The following KCNB2 variants were observed in gnomAD, a reference collection of about 807,000 sequenced individuals.
KCNB2 encodes delayed rectifier potassium channel protein.
A neutral mutation model predicts 61.5 loss-of-function variants in KCNB2; 15 were observed. The observed-to-expected ratio is 0.24, with a 90% CI of 0.16 to 0.38. The LOEUF (loss-of-function observed/expected upper bound fraction) is 0.38, where lower values mean the gene tolerates loss of function less well. KCNB2 is among the 10% of genes least tolerant of loss of function. KCNB2 has a pLI of 1.00. For missense variants in KCNB2, 828 were observed against 1,125.2 expected (o/e 0.74, Z 3.78); for synonymous variants, 457 against 446.0 (o/e 1.02, Z -0.31).
intron 2 of KCNB2, among the ~76,000 whole-genome samples, chr8:72,585,340 C>G (rs962446501): frequency 6.6e-6 from 1 of 152,130 alleles, no homozygotes; most frequent in African/African-American, 2.4e-5. Context: ...AACTCCCATG[C>G]ATTTATTTGT....
chr8:72,719,189 A>C (rs1238858657), intron 2 of KCNB2, among the ~76,000 whole-genome samples: 1 of 151,906 alleles, frequency 6.6e-6, no homozygotes, highest in Non-Finnish European at 1.5e-5. Flanking sequence ...CTCTCTAATC[A>C]CTGTTTTAAA....
chr8:72,678,371 G>T (rs527740519), intron 2 of KCNB2, among the ~76,000 whole-genome samples: 1 of 152,168 alleles, frequency 6.6e-6, no homozygotes, highest in South Asian at 2.1e-4. Context: ...TCTTTATCAG[G>T]TCCTCATAGA....
rs779478658 is a variant in KCNB2 at position 72,937,994 on chromosome 8, A to T, written c.2639A>T (p.Gln880Leu). The T allele has an allele frequency of 1.2e-6, 2 of 1,614,170 alleles. No individual in the cohort carries two copies. The highest frequency in any genetic ancestry group is 3.3e-5 in the Admixed American group (2 of 60,030). Residue 880 changes from glutamine to leucine, a missense_variant, in exon 3 of 3, where the codon CAA becomes CTA. Physicochemically the swap from Gln to Leu is moderately radical, Grantham distance 113. This residue lies in a region of KCNB2 where 559 missense variants were observed against 588.4 expected (regional missense o/e 0.95). Transcript: ENST00000523207. ...AGTGAAGTCAAAAAGGACAGTAGTC[A>T]AGAAGGGTGCAAGATGGAAAATCAC... is the stretch of plus-strand genomic sequence containing the variant. ...AVSEVKKDSS[Q>L]EGCKMENHLF...
intron 2 of KCNB2, among the ~76,000 whole-genome samples, chr8:72,711,226 C>T (rs772014543): frequency 6.6e-6 from 1 of 152,234 alleles, no homozygotes; most frequent in Non-Finnish European, 1.5e-5. Context: ...CACAAAACTA[C>T]TTGGCCAGAG....
intron 2 of KCNB2, among the ~76,000 whole-genome samples, chr8:72,719,617 C>T (rs914074070): frequency 6.6e-6 from 1 of 152,024 alleles, no homozygotes; most frequent in Admixed American, 6.6e-5. Context: ...AAATGTCCTC[C>T]TATTGGTTTC....
intron 2 of KCNB2, among the ~76,000 whole-genome samples, chr8:72,825,557 G>A (rs1809584003): frequency 6.6e-6 from 1 of 152,118 alleles, no homozygotes; most frequent in Non-Finnish European, 1.5e-5. Flanking sequence ...CCTGATGCTT[G>A]TTATTTTCTG....
chr8:72,851,826 GA>G (rs55696554), intron 2 of KCNB2, among the ~76,000 whole-genome samples: 6,842 of 43,646 alleles, frequency 0.16, 615 homozygotes, highest in East Asian at 0.58. Context: ...GAAGCTGTAG[GA>G]AAAAAAAAAA....
chr8:72,840,254 G>A (rs1268012454), intron 2 of KCNB2, among the ~76,000 whole-genome samples: 4 of 152,054 alleles, frequency 2.6e-5, no homozygotes, highest in African/African-American at 4.8e-5. Flanking sequence ...CCTTTTTTGT[G>A]GTTGCATAGT....
chr8:72,664,916 A>T (rs555852568), intron 2 of KCNB2, among the ~76,000 whole-genome samples: 1 of 152,210 alleles, frequency 6.6e-6, no homozygotes, highest in Non-Finnish European at 1.5e-5. Context: ...AACAGCAAAG[A>T]CAAAAGCCCG....
chr8:72,906,866 A>G (rs541256527), intron 2 of KCNB2, among the ~76,000 whole-genome samples: 7 of 152,300 alleles, frequency 4.6e-5, no homozygotes, highest in African/African-American at 1.7e-4. Flanking sequence ...ATCTCCTCAT[A>G]TTCTAACCTT....
At chr8:72,668,533 A>G (rs1011787219) in intron 2 of KCNB2, among the ~76,000 whole-genome samples, 2 of 151,876 alleles carry the variant, frequency 1.3e-5, no homozygotes, top group African/African-American at 4.8e-5. Flanking sequence ...TTTACTGCAC[A>G]CTCACCAGCC....
chr8:72,902,932 G>T (rs1806112932), intron 2 of KCNB2, among the ~76,000 whole-genome samples: 1 of 152,128 alleles, frequency 6.6e-6, no homozygotes, highest in Non-Finnish European at 1.5e-5. Flanking sequence ...TCCCAGATTT[G>T]CTACTCACTA....
Position 72,685,321 on chromosome 8 carries a change from A to C in KCNB2, c.579+117008A>C, listed in dbSNP as rs80022815. ...GTTTTTTTTCTTCCAGTTCTGAAAA[A>C]TATATATATAAAACATAAGTTCATA... On this transcript the variant is annotated intron_variant, in intron 2 of 2. Coordinates refer to ENST00000523207, the MANE Select transcript of KCNB2 (RefSeq NM_004770.3). Among the ~76,000 whole-genome samples, 265 of 152,172 alleles carry C rather than the reference A, an allele frequency of 1.7e-3. 6 individuals are homozygous for C. In the East Asian group the frequency reaches 0.046, roughly 27 times the overall value.
intron 2 of KCNB2, among the ~76,000 whole-genome samples, chr8:72,689,569 C>G (rs1328765865): frequency 6.6e-6 from 1 of 152,184 alleles, no homozygotes; most frequent in East Asian, 1.9e-4. Flanking sequence ...CGTTCCCACT[C>G]CCAGCCCCAG....
intron 2 of KCNB2, among the ~76,000 whole-genome samples, chr8:72,888,388 G>C (rs34592958): frequency 6.6e-6 from 1 of 152,134 alleles, no homozygotes. Context: ...TAGGATTACA[G>C]ACGTTAGTCA....
intron 2 of KCNB2, among the ~76,000 whole-genome samples, chr8:72,856,250 T>A (rs1466183520): frequency 6.6e-6 from 1 of 152,248 alleles, no homozygotes; most frequent in African/African-American, 2.4e-5. Flanking sequence ...CAACATATAA[T>A]CAATATGAAA....
At chr8:72,812,509 C>G (rs1458731758) in intron 2 of KCNB2, among the ~76,000 whole-genome samples, 3 of 151,824 alleles carry the variant, frequency 2.0e-5, no homozygotes, top group Non-Finnish European at 4.4e-5. Flanking sequence ...ACACAGATGA[C>G]AAATGGATAG....
At chr8:72,723,751 T>A (rs2128992948) in intron 2 of KCNB2, among the ~76,000 whole-genome samples, 1 of 152,322 alleles carries the variant, frequency 6.6e-6, no homozygotes, top group Middle Eastern at 3.4e-3. Context: ...CCAAACCTGT[T>A]GGACATGCAC....
intron 2 of KCNB2, among the ~76,000 whole-genome samples, chr8:72,590,526 T>G (rs1028654782): frequency 6.6e-6 from 1 of 152,180 alleles, no homozygotes. Context: ...AGTGAATCCT[T>G]TCATAAATGT....
Sources: gnomAD v4.1 joint callset for allele counts (sites outside exome capture counted in the v4.1 genomes callset) on GRCh38, gnomAD v4.1.1 for gene constraint, gnomAD v4.1.1 regional missense constraint, MANE v1.5 for transcripts, NCBI Gene and HGNC (gene_info 2026-07-23, HGNC 2026-07-21) for gene names.